Variants in NHSL1 observed in about 807,000 individuals in gnomAD.
NHSL1 encodes the protein NHS like 1.
A neutral mutation model predicts 95.0 loss-of-function variants in NHSL1; 48 were observed. The ratio of observed to expected loss-of-function variants is 0.51; its 90% CI spans 0.40 to 0.64. The LOEUF (loss-of-function observed/expected upper bound fraction) is 0.64, where lower values mean the gene tolerates loss of function less well. NHSL1 is among the 30% of genes least tolerant of loss of function. NHSL1 has a pLI of 0.00. For synonymous variants in NHSL1, 783 were observed against 833.9 expected (o/e 0.94, Z 1.05); for missense variants, 1,971 against 2,077.7 (o/e 0.95, Z 1.00).
chr6:138,677,047 G>A lies in NHSL1; in HGVS notation c.96+15429C>T, dbSNP rs574558029. Reference sequence around the variant, plus strand: ...GTACTAACAGCTAACTGATGGACAGGTTACAGAAGTAAGTAATAAATTATA... The same window carrying A: ...GTACTAACAGCTAACTGATGGACAGATTACAGAAGTAAGTAATAAATTATA... On this transcript the variant is annotated intron_variant, in intron 1 of 3. Coordinates refer to the NHSL1 transcript ENST00000491526. Among the ~76,000 whole-genome samples, 3 of 152,282 alleles carry A rather than the reference G, an allele frequency of 2.0e-5. No individual in the cohort carries two copies. The South Asian group carries it at 6.2e-4, about 32-fold the overall frequency.
At chr6:138,579,364 T>C (rs766832632) in intron 1 of NHSL1, among the ~76,000 whole-genome samples, 9 of 152,192 alleles carry the variant, frequency 5.9e-5, no homozygotes, top group Non-Finnish European at 1.2e-4. Flanking sequence ...AGGAGATAAT[T>C]AGGCCTTTAT....
At chr6:138,588,269 C>G (rs1416868551) in intron 1 of NHSL1, among the ~76,000 whole-genome samples, 1 of 152,154 alleles carries the variant, frequency 6.6e-6, no homozygotes, top group Non-Finnish European at 1.5e-5. Flanking sequence ...TCAAGACCAG[C>G]CTGGGCAACA....
chr6:138,602,921 C>T (rs6934410), intron 1 of NHSL1, among the ~76,000 whole-genome samples: 1,774 of 152,248 alleles, frequency 0.012, 27 homozygotes, highest in African/African-American at 0.041. Flanking sequence ...AATTCCTTCC[C>T]GGACAGTTCA....
chr6:138,581,463 G>A (rs111426335), intron 1 of NHSL1, among the ~76,000 whole-genome samples: 10,006 of 151,964 alleles, frequency 0.066, 336 homozygotes, highest in Middle Eastern at 0.13. Flanking sequence ...AGGCCGAGGT[G>A]AGAGGATCAC....
intron 1 of NHSL1, among the ~76,000 whole-genome samples, chr6:138,681,529 A>G (rs1785510946): frequency 6.6e-6 from 1 of 152,206 alleles, no homozygotes; most frequent in Non-Finnish European, 1.5e-5. Flanking sequence ...GGGCCCACCA[A>G]CTAGCTAATG....
At chr6:138,632,025 C>T (rs9495169) in intron 1 of NHSL1, among the ~76,000 whole-genome samples, 14,789 of 152,082 alleles carry the variant, frequency 0.097, 894 homozygotes, top group African/African-American at 0.17. Flanking sequence ...AGGCAGCATT[C>T]ATCACTAGCT....
At chr6:138,665,053 T>G (rs937914888) in intron 1 of NHSL1, among the ~76,000 whole-genome samples, 1 of 152,214 alleles carries the variant, frequency 6.6e-6, no homozygotes, top group Admixed American at 6.5e-5. Context: ...ATATTAACCA[T>G]CACTGAAGCC....
upstream of NHSL1, among the ~76,000 whole-genome samples, chr6:138,546,982 A>T (rs896217321): frequency 2.6e-5 from 4 of 152,216 alleles, no homozygotes; most frequent in African/African-American, 9.7e-5. Context: ...TTCCCCACAG[A>T]GACGTGAGTC....
intron 1 of NHSL1, among the ~76,000 whole-genome samples, chr6:138,534,335 C>G (rs927451571): frequency 6.6e-6 from 1 of 152,094 alleles, no homozygotes; most frequent in African/African-American, 2.4e-5. Context: ...AGCAAAGGAC[C>G]CTTGGTACAT....
At chr6:138,686,446 T>C (rs931209989) in intron 1 of NHSL1, among the ~76,000 whole-genome samples, 1 of 152,152 alleles carries the variant, frequency 6.6e-6, no homozygotes, top group South Asian at 2.1e-4. Flanking sequence ...ATTTGAGCCA[T>C]TGAACTCCAG....
intron 1 of NHSL1, among the ~76,000 whole-genome samples, chr6:138,687,896 A>G (rs1785606554): frequency 6.6e-6 from 1 of 152,202 alleles, no homozygotes; most frequent in Non-Finnish European, 1.5e-5. Context: ...AAAATGTTCT[A>G]AAATTGTGGT....
intron 1 of NHSL1, among the ~76,000 whole-genome samples, chr6:138,516,387 T>C (rs1381864977): frequency 2.0e-5 from 3 of 152,160 alleles, no homozygotes; most frequent in African/African-American, 7.2e-5. Flanking sequence ...AGATACCATA[T>C]ACTCTATTTT....
chr6:138,576,003 T>TTATC (rs1783965536), upstream of NHSL1, among the ~76,000 whole-genome samples: 1 of 151,022 alleles, frequency 6.6e-6, no homozygotes, highest in South Asian at 2.1e-4. Flanking sequence ...ATTTATTTAT[T>TTATC]TATTTTGAGG....
chr6:138,620,637 T>C (rs765522738), intron 1 of NHSL1, among the ~76,000 whole-genome samples: 23 of 152,330 alleles, frequency 1.5e-4, no homozygotes, highest in Middle Eastern at 6.8e-3. Context: ...TTTATCTGTA[T>C]ATAACAATCC....
intron 1 of NHSL1, among the ~76,000 whole-genome samples, chr6:138,688,100 T>C (rs1785610932): frequency 6.6e-6 from 1 of 152,092 alleles, no homozygotes; most frequent in Non-Finnish European, 1.5e-5. Context: ...TACAGGCATG[T>C]GCCCCTATGC....
intron 1 of NHSL1, among the ~76,000 whole-genome samples, chr6:138,645,510 CT>C (rs746425752): frequency 2.7e-3 from 366 of 137,818 alleles, no homozygotes; most frequent in Middle Eastern, 0.011. Context: ...TTTCTTTTTT[CT>C]TTTTTTTTTT....
intron 1 of NHSL1, among the ~76,000 whole-genome samples, chr6:138,661,077 C>T (rs1785221310): frequency 6.6e-6 from 1 of 152,154 alleles, no homozygotes; most frequent in Admixed American, 6.5e-5. Flanking sequence ...AAGATTATCA[C>T]AATCAAGCTA....
intron 1 of NHSL1, among the ~76,000 whole-genome samples, chr6:138,511,745 G>A (rs1475641158): frequency 4.6e-5 from 7 of 152,146 alleles, no homozygotes; most frequent in Admixed American, 3.3e-4. Flanking sequence ...AGACCAGCCT[G>A]GGCAACATGG....
Position 138,442,122 on chromosome 6 carries a change from A to C in NHSL1, c.533-8T>G. Reference sequence around the variant, plus strand: ...GGCGATCGAAATTCTCCCCTAATGTAGAGTAGTAGAACAAGCAAAGCAATG... The same window carrying C: ...GGCGATCGAAATTCTCCCCTAATGTCGAGTAGTAGAACAAGCAAAGCAATG... On this transcript the variant is annotated splice_polypyrimidine_tract_variant and splice_region_variant and intron_variant, in intron 4 of 7. Transcript: ENST00000343505. The C allele has an allele frequency of 6.5e-7, 1 of 1,543,348 alleles. No individual in the cohort carries two copies. The highest frequency in any genetic ancestry group is 8.7e-7 in the Non-Finnish European group (1 of 1,143,682).
Sources: gnomAD v4.1 joint callset for allele counts (sites outside exome capture counted in the v4.1 genomes callset) on GRCh38, gnomAD v4.1.1 for gene constraint, MANE v1.5 for transcripts, NCBI Gene and HGNC (gene_info 2026-07-23, HGNC 2026-07-21) for gene names.